The following HK1 variants were observed in gnomAD, a reference collection of about 807,000 sequenced individuals.
HK1 encodes the protein hexokinase-1.
In HK1, 28 loss-of-function variants were observed where a neutral mutation model predicts 91.6. That is an observed-to-expected ratio of 0.31 (90% CI 0.23 to 0.42). HK1 has a LOEUF of 0.42. Among genes scored for constraint, HK1 ranks in the 10% least tolerant of loss-of-function variants. The pLI, the probability that HK1 is intolerant of heterozygous loss-of-function variation, is 1.00. For synonymous variants in HK1, 430 were observed against 468.1 expected, an observed-to-expected ratio of 0.92 and a Z score of 1.05; for missense variants, 770 against 1,219.8, an observed-to-expected ratio of 0.63 and a Z score of 5.49.
At chr10:69,349,595 G>A (rs1848741556) in intron 2 of HK1, among the ~76,000 whole-genome samples, 1 of 152,198 alleles carries the variant, frequency 6.6e-6, no homozygotes, top group Non-Finnish European at 1.5e-5. Context: ...AGGAGGCAGA[G>A]AAAAGGGGCA....
chr10:69,318,034 G>A (rs1846739811), upstream of HK1: 6 of 985,382 alleles, frequency 6.1e-6, no homozygotes, highest in Non-Finnish European at 7.2e-6. Context: ...AGCAAGAGGA[G>A]GCCCAGAGGA....
At chr10:69,339,466 G>T (rs10998726) in intron 1 of HK1, among the ~76,000 whole-genome samples, 13,945 of 152,250 alleles carry the variant, frequency 0.092, 793 homozygotes, top group South Asian at 0.19. Flanking sequence ...CAGTATTCAT[G>T]TCTCTTCTGA....
intron 1 of HK1, among the ~76,000 whole-genome samples, chr10:69,339,997 A>G (rs544161128): frequency 6.6e-6 from 1 of 152,336 alleles, no homozygotes; most frequent in Non-Finnish European, 1.5e-5. Flanking sequence ...TGATATACTG[A>G]TATACTGTAA....
chr10:69,395,352 C>T (rs530316548), intron 16 of HK1, among the ~76,000 whole-genome samples: 39 of 151,790 alleles, frequency 2.6e-4, no homozygotes, highest in African/African-American at 5.6e-4. Flanking sequence ...CCGAGGCAGG[C>T]GGATCATGAG....
intron 13 of HK1, among the ~76,000 whole-genome samples, chr10:69,387,874 A>AG (rs1839717670): frequency 6.9e-6 from 1 of 145,598 alleles, no homozygotes; most frequent in Admixed American, 6.6e-5. Flanking sequence ...ACTGTTTTAA[A>AG]TTTTTTTTTT....
chr10:69,307,715 A>G (rs1455650348), intron 5 of HK1, among the ~76,000 whole-genome samples: 1 of 152,254 alleles, frequency 6.6e-6, no homozygotes, highest in East Asian at 1.9e-4. Context: ...GTCAATAAAT[A>G]AGTAAATAAT....
chr10:69,307,277 C>T (rs1846149773), intron 5 of HK1, among the ~76,000 whole-genome samples: 1 of 152,058 alleles, frequency 6.6e-6, no homozygotes, highest in Non-Finnish European at 1.5e-5. Context: ...AAGTCTCCAC[C>T]CCCACCCCCC....
chr10:69,274,000 T>G (rs1844315627), intron 1 of HK1, among the ~76,000 whole-genome samples: 1 of 152,210 alleles, frequency 6.6e-6, no homozygotes, highest in Non-Finnish European at 1.5e-5. Flanking sequence ...TTTGCATTTT[T>G]TTTTAATATT....
upstream of HK1, among the ~76,000 whole-genome samples, chr10:69,312,320 T>C (rs1846416037): frequency 6.6e-6 from 1 of 152,172 alleles, no homozygotes; most frequent in African/African-American, 2.4e-5. Flanking sequence ...CACTGAAATC[T>C]CTGCCTCCCA....
At chr10:69,344,045 C>T in intron 2 of HK1, 56 bp downstream of exon 2, 1 of 1,556,294 alleles carries the variant, frequency 6.4e-7, no homozygotes, top group Non-Finnish European at 8.9e-7. Context: ...GTGAAATCTT[C>T]CTTCTAACTT....
At position 69,380,310 on chromosome 10, in the gene HK1, C is replaced by T. The variant is rs1011233023; in HGVS notation, c.1265+215C>T. ...CCTGGGCAACATAGTAAGACCTCAT[C>T]TTTACGAAAAATTGAAAATAAATAA... is the stretch of plus-strand genomic sequence containing the variant. On this transcript the variant is annotated intron_variant, in intron 9 of 17. Transcript: ENST00000359426. The surrounding 1 kb of genome is among the most constrained non-coding windows in gnomAD (Gnocchi z 4.0). Among the ~76,000 whole-genome samples the T allele has an allele frequency of 1.3e-5, 2 of 152,150 alleles. No homozygotes were observed. The highest frequency in any genetic ancestry group is 2.9e-5 in the Non-Finnish European group (2 of 68,016).
At chr10:69,397,434 G>A (rs1386010411) in intron 16 of HK1, among the ~76,000 whole-genome samples, 1 of 151,982 alleles carries the variant, frequency 6.6e-6, no homozygotes, top group Non-Finnish European at 1.5e-5. Flanking sequence ...GCTACATAGT[G>A]TCTGTAAGTA....
chr10:69,388,396 G>A (rs980650599), intron 13 of HK1, among the ~76,000 whole-genome samples: 1 of 152,104 alleles, frequency 6.6e-6, no homozygotes, highest in Non-Finnish European at 1.5e-5. Context: ...GCAGTGAGCC[G>A]TGGTTGCGGT....
intron 1 of HK1, among the ~76,000 whole-genome samples, chr10:69,325,304 A>T (rs1234076006): frequency 6.7e-6 from 1 of 149,964 alleles, no homozygotes; most frequent in Non-Finnish European, 1.5e-5. Flanking sequence ...GCCTGCCTCG[A>T]CCTCCCAAAG....
intron 1 of HK1, among the ~76,000 whole-genome samples, chr10:69,319,601 C>T: frequency 6.6e-6 from 1 of 152,260 alleles, no homozygotes; most frequent in East Asian, 1.9e-4. Flanking sequence ...TGCTCATAGG[C>T]CTCGTGTCTG....
chr10:69,357,710 C>A (rs990012190), intron 2 of HK1, among the ~76,000 whole-genome samples: 2 of 152,152 alleles, frequency 1.3e-5, no homozygotes, highest in African/African-American at 2.4e-5. Context: ...GCCTCAGCCT[C>A]CCAAAGTGCT....
At chr10:69,343,794 A>C in intron 1 of HK1, 33 bp from the exon 2 acceptor site, 1 of 1,558,590 alleles carries the variant, frequency 6.4e-7, no homozygotes. Context: ...CTCCCCCTCG[A>C]CCTCACTCTC....
At chr10:69,291,702 T>C (rs1351764450) in intron 3 of HK1, among the ~76,000 whole-genome samples, 2 of 152,158 alleles carry the variant, frequency 1.3e-5, no homozygotes, top group African/African-American at 4.8e-5. Context: ...AGGATAGATA[T>C]ATTTTGAGTT....
intron 4 of HK1, among the ~76,000 whole-genome samples, chr10:69,367,159 ACAGAGAAGGAGC>A (rs1849749297): frequency 6.6e-6 from 1 of 152,122 alleles, no homozygotes; most frequent in African/African-American, 2.4e-5. Context: ...GGCATTGTGA[ACAGAGAAGGAGC>A]CAGAGGTGGG....
Sources: gnomAD v4.1 joint callset for allele counts (sites outside exome capture counted in the v4.1 genomes callset) on GRCh38, gnomAD v4.1.1 for gene constraint, Gnocchi (gnomAD v3.1) non-coding constraint, MANE v1.5 for transcripts, NCBI Gene and HGNC (gene_info 2026-07-23, HGNC 2026-07-21) for gene names.